The following WDR72 variants were observed in gnomAD, a reference collection of about 807,000 sequenced individuals.
WDR72 encodes WD repeat-containing protein 72.
A neutral mutation model predicts 124.2 loss-of-function variants in WDR72; 120 were observed. The ratio of observed to expected loss-of-function variants is 0.97; its 90% CI spans 0.83 to 1.12. The LOEUF is 1.12. Among genes scored for constraint, WDR72 ranks in the 50% most tolerant of loss-of-function variants. The pLI, the probability that WDR72 is intolerant of heterozygous loss-of-function variation, is 0.00. For missense variants in WDR72, 1,387 were observed against 1,278.8 expected (o/e 1.08, Z -1.29); for synonymous variants, 452 against 441.7 (o/e 1.02, Z -0.29).
At chr15:53,519,288 C>T (rs185590943) in intron 19 of WDR72, among the ~76,000 whole-genome samples, 2 of 152,040 alleles carry the variant, frequency 1.3e-5, no homozygotes, top group Admixed American at 1.3e-4. Context: ...AGAAGTTAAC[C>T]AGCAAAAGGC....
At chr15:53,578,571 G>C (rs2011742080) in intron 18 of WDR72, among the ~76,000 whole-genome samples, 1 of 152,072 alleles carries the variant, frequency 6.6e-6, no homozygotes, top group Non-Finnish European at 1.5e-5. Context: ...ACTGAAAAGG[G>C]TATGGTTTGG....
chr15:53,688,673 C>CA (rs2016731055), intron 13 of WDR72, among the ~76,000 whole-genome samples: 1 of 152,144 alleles, frequency 6.6e-6, no homozygotes, highest in African/African-American at 2.4e-5. Flanking sequence ...CCATCCCCAT[C>CA]AAGCTACCAA....
At chr15:53,716,202 A>T (rs1242050005) in intron 4 of WDR72, among the ~76,000 whole-genome samples, 1 of 152,198 alleles carries the variant, frequency 6.6e-6, no homozygotes. Flanking sequence ...TATACAGAGA[A>T]ATTAAGAACC....
chr15:53,552,049 G>A (rs1001492854), intron 18 of WDR72, among the ~76,000 whole-genome samples: 2 of 151,972 alleles, frequency 1.3e-5, no homozygotes, highest in Non-Finnish European at 2.9e-5. Context: ...CAGAAAATTC[G>A]TTGTTTGGAA....
At chr15:53,583,059 C>T (rs538859045) in intron 18 of WDR72, among the ~76,000 whole-genome samples, 2 of 151,842 alleles carry the variant, frequency 1.3e-5, no homozygotes, top group South Asian at 4.2e-4. Context: ...CTACATAATG[C>T]CTCATGAAAT....
intron 18 of WDR72, among the ~76,000 whole-genome samples, chr15:53,546,521 G>T (rs2200668): frequency 4.6e-5 from 7 of 150,684 alleles, no homozygotes; most frequent in Non-Finnish European, 8.8e-5. Context: ...TGGTGGGGTG[G>T]GGGGAGAGGG....
intron 12 of WDR72, 33 bp downstream of exon 12, chr15:53,702,101 A>C (rs1396643805): frequency 6.6e-7 from 1 of 1,517,106 alleles, no homozygotes; most frequent in Non-Finnish European, 9.0e-7. Flanking sequence ...ATAATTTTCA[A>C]ATTTAGATGT....
At chr15:53,659,178 A>G (rs1003430243) in intron 14 of WDR72, among the ~76,000 whole-genome samples, 3 of 151,708 alleles carry the variant, frequency 2.0e-5, no homozygotes, top group Non-Finnish European at 4.4e-5. Flanking sequence ...ACATTAAGTA[A>G]GCTTTCTTTG....
chr15:53,679,001 A>G (rs1168567177), intron 13 of WDR72, among the ~76,000 whole-genome samples: 1 of 152,230 alleles, frequency 6.6e-6, no homozygotes, highest in African/African-American at 2.4e-5. Context: ...GACACATGCT[A>G]TAAAATGGAT....
intron 1 of WDR72, among the ~76,000 whole-genome samples, chr15:53,753,434 T>C (rs2018821511): frequency 6.6e-6 from 1 of 152,250 alleles, no homozygotes; most frequent in South Asian, 2.1e-4. Context: ...TAGCAGAAGC[T>C]AGGCCAAAAC....
chr15:53,607,717 G>A (rs891776872), intron 17 of WDR72, among the ~76,000 whole-genome samples: 1 of 151,994 alleles, frequency 6.6e-6, no homozygotes, highest in Non-Finnish European at 1.5e-5. Context: ...AAAAACAAGA[G>A]ACGATCCACA....
chr15:53,670,901 G>A (rs1425958057), intron 13 of WDR72, among the ~76,000 whole-genome samples: 1 of 152,088 alleles, frequency 6.6e-6, no homozygotes, highest in African/African-American at 2.4e-5. Context: ...CTAGGCCTGA[G>A]GTCACTGGGC....
At chr15:53,756,773 G>A (rs531806139) in intron 1 of WDR72, 1 of 152,278 alleles carries the variant, frequency 6.6e-6, no homozygotes, top group Non-Finnish European at 1.5e-5. Context: ...CAAACATGAA[G>A]AAAATGAGTC....
intron 18 of WDR72, among the ~76,000 whole-genome samples, chr15:53,532,693 AAGAT>A (rs1892549597): frequency 6.6e-6 from 1 of 152,054 alleles, no homozygotes; most frequent in South Asian, 2.1e-4. Flanking sequence ...AAAATACAGT[AAGAT>A]AGAAGGAATA....
intron 13 of WDR72, among the ~76,000 whole-genome samples, chr15:53,667,388 A>G (rs2015816920): frequency 6.6e-6 from 1 of 151,660 alleles, no homozygotes; most frequent in African/African-American, 2.4e-5. Flanking sequence ...TCACAATGGT[A>G]TGCAACAGCT....
chr15:53,652,454 T>C (rs941883720), intron 14 of WDR72, among the ~76,000 whole-genome samples: 1 of 152,186 alleles, frequency 6.6e-6, no homozygotes, highest in African/African-American at 2.4e-5. Context: ...AAGCAATGTT[T>C]GCTACTTGGG....
chr15:53,712,382 G>C (rs1054569998), intron 7 of WDR72, among the ~76,000 whole-genome samples: 1 of 152,156 alleles, frequency 6.6e-6, no homozygotes, highest in African/African-American at 2.4e-5. Context: ...CAGATCACGA[G>C]GTCAGGAGTT....
intron 17 of WDR72, 74 bp from the exon 18 acceptor site, chr15:53,597,348 A>G (rs1436649536): frequency 2.2e-5 from 32 of 1,471,714 alleles, no homozygotes; most frequent in Non-Finnish European, 2.9e-5. Context: ...AAAAATCCAA[A>G]GCCCGGAATT....
chr15:53,631,692 G>C (rs1380411480), intron 14 of WDR72, among the ~76,000 whole-genome samples: 2 of 152,176 alleles, frequency 1.3e-5, no homozygotes, highest in Non-Finnish European at 2.9e-5. Flanking sequence ...AACTTATTGG[G>C]AACTGGAGTA....
Sources: allele counts gnomAD v4.1 joint callset (sites outside exome capture counted in the v4.1 genomes callset), GRCh38; gene constraint gnomAD v4.1.1; transcripts MANE v1.5; gene names NCBI Gene and HGNC (gene_info 2026-07-23, HGNC 2026-07-21).